The following GRIK1 variants were observed in gnomAD, a reference collection of about 807,000 sequenced individuals.
The protein encoded by GRIK1 is glutamate receptor ionotropic, kainate 1.
GRIK1 carries 69 observed loss-of-function variants against 105.7 expected under a neutral mutation model. The observed-to-expected ratio is 0.65, with a 90% CI of 0.54 to 0.80. The LOEUF is 0.80. GRIK1 is among the 30% of genes least tolerant of loss of function. The pLI is 0.00. For synonymous variants in GRIK1, 438 were observed against 431.3 expected, an observed-to-expected ratio of 1.02 and a Z score of -0.19; for missense variants, 1,109 against 1,167.3, an observed-to-expected ratio of 0.95 and a Z score of 0.73.
intron 1 of GRIK1, among the ~76,000 whole-genome samples, chr21:29,764,364 G>T (rs2065605171): frequency 6.6e-6 from 1 of 152,142 alleles, no homozygotes; most frequent in Admixed American, 6.5e-5. Flanking sequence ...GATTTTGTAG[G>T]ACAGAACCAT....
intron 1 of GRIK1, among the ~76,000 whole-genome samples, chr21:29,802,943 C>T (rs1033184989): frequency 2.0e-5 from 3 of 152,108 alleles, no homozygotes; most frequent in Non-Finnish European, 4.4e-5. Context: ...AATGTGCTGA[C>T]AGTCATAGTG....
intron 1 of GRIK1, among the ~76,000 whole-genome samples, chr21:29,724,728 G>A (rs2064410184): frequency 6.6e-6 from 1 of 152,170 alleles, no homozygotes; most frequent in Admixed American, 6.5e-5. Context: ...TGATAGAAGA[G>A]CATATGTCCT....
At chr21:29,837,900 T>C (rs1407909805) in intron 1 of GRIK1, among the ~76,000 whole-genome samples, 1 of 152,130 alleles carries the variant, frequency 6.6e-6, no homozygotes, top group Non-Finnish European at 1.5e-5. Flanking sequence ...CCCAAGAAAC[T>C]TTATATTTCT....
intron 14 of GRIK1, among the ~76,000 whole-genome samples, chr21:29,569,927 G>C (rs2146208730): frequency 6.6e-6 from 1 of 152,188 alleles, no homozygotes; most frequent in African/African-American, 2.4e-5. Flanking sequence ...CAGTTGTCTT[G>C]GATATAAAAG....
At chr21:29,710,926 T>G (rs2064034945) in intron 1 of GRIK1, among the ~76,000 whole-genome samples, 1 of 151,610 alleles carries the variant, frequency 6.6e-6, no homozygotes, top group Non-Finnish European at 1.5e-5. Context: ...TTTATCTGCT[T>G]TAAAATTTAA....
intron 3 of GRIK1, among the ~76,000 whole-genome samples, chr21:29,675,371 A>ATT (rs148045010): frequency 2.0e-5 from 3 of 148,636 alleles, no homozygotes; most frequent in Admixed American, 6.7e-5. Flanking sequence ...AATCACATAG[A>ATT]TTTTTTTTTT....
intron 1 of GRIK1, among the ~76,000 whole-genome samples, chr21:29,845,182 T>C (rs2068081139): frequency 6.6e-6 from 1 of 151,380 alleles, no homozygotes; most frequent in Non-Finnish European, 1.5e-5. Flanking sequence ...TAGGAAACAC[T>C]TTTTTTTTCT....
At chr21:29,624,424 AT>A (rs2062075611) in intron 7 of GRIK1, among the ~76,000 whole-genome samples, 1 of 152,282 alleles carries the variant, frequency 6.6e-6, no homozygotes, top group African/African-American at 2.4e-5. Flanking sequence ...TTTAGAAGTC[AT>A]TTTTTAAAGG....
chr21:29,849,658 A>G (rs756270009), intron 1 of GRIK1, among the ~76,000 whole-genome samples: 48 of 152,222 alleles, frequency 3.2e-4, no homozygotes, highest in Non-Finnish European at 6.6e-4. Flanking sequence ...CCATGTGCTT[A>G]TCCCCTTCTC....
At chr21:29,601,380 C>T (rs1017652655) in intron 7 of GRIK1, among the ~76,000 whole-genome samples, 2 of 152,216 alleles carry the variant, frequency 1.3e-5, no homozygotes, top group African/African-American at 2.4e-5. Flanking sequence ...ACTTCTCAGC[C>T]TCCATGTTGG....
chr21:29,931,126 C>T (rs2071550555), intron 1 of GRIK1, among the ~76,000 whole-genome samples: 1 of 152,162 alleles, frequency 6.6e-6, no homozygotes, highest in African/African-American at 2.4e-5. Flanking sequence ...AATTAATAAA[C>T]CAGTATTAAT....
intron 6 of GRIK1, 43 bp downstream of exon 6, chr21:29,651,075 A>G (rs1214607027): frequency 6.8e-7 from 1 of 1,469,518 alleles, no homozygotes; most frequent in Admixed American, 1.9e-5. Flanking sequence ...CCCCGAAGGC[A>G]TTCAAATATT....
intron 12 of GRIK1, among the ~76,000 whole-genome samples, chr21:29,583,154 G>A (rs2091058754): frequency 6.6e-6 from 1 of 152,118 alleles, no homozygotes; most frequent in Non-Finnish European, 1.5e-5. Context: ...CAGCTGCAGG[G>A]TACACCATGC....
intron 7 of GRIK1, among the ~76,000 whole-genome samples, chr21:29,632,297 T>A (rs1240496138): frequency 6.6e-6 from 1 of 152,174 alleles, no homozygotes; most frequent in Non-Finnish European, 1.5e-5. Context: ...GAGTGAGGAC[T>A]TTTCTTTGCT....
intron 6 of GRIK1, among the ~76,000 whole-genome samples, chr21:29,650,877 G>A (rs139729610): frequency 7.2e-4 from 109 of 152,258 alleles, no homozygotes; most frequent in African/African-American, 2.2e-3. Flanking sequence ...GCTGATAATG[G>A]TGATTACTCT....
chr21:29,788,960 T>C (rs1254248607), intron 1 of GRIK1, among the ~76,000 whole-genome samples: 1 of 152,232 alleles, frequency 6.6e-6, no homozygotes, highest in African/African-American at 2.4e-5. Context: ...GCTCCCCTGC[T>C]GGTGTGTGGC....
intron 1 of GRIK1, among the ~76,000 whole-genome samples, chr21:29,759,406 C>G (rs539281030): frequency 8.4e-4 from 128 of 152,300 alleles, no homozygotes; most frequent in Non-Finnish European, 1.3e-3. Flanking sequence ...GCGTGAGACA[C>G]CACGCCCTGC....
At chr21:29,687,664 A>G (rs2063509974) in intron 3 of GRIK1, among the ~76,000 whole-genome samples, 1 of 152,238 alleles carries the variant, frequency 6.6e-6, no homozygotes, top group Non-Finnish European at 1.5e-5. Context: ...TTCTTGTAGA[A>G]GATGATGGAA....
intron 1 of GRIK1, among the ~76,000 whole-genome samples, chr21:29,835,857 G>A (rs1051705989): frequency 6.6e-6 from 1 of 152,146 alleles, no homozygotes; most frequent in African/African-American, 2.4e-5. Flanking sequence ...GCTAGCAATT[G>A]CTTGGTGATT....
Sources: allele counts gnomAD v4.1 joint callset (sites outside exome capture counted in the v4.1 genomes callset), GRCh38; gene constraint gnomAD v4.1.1; transcripts MANE v1.5; gene names NCBI Gene and HGNC (gene_info 2026-07-23, HGNC 2026-07-21).